The following RC3H2 variants were observed in gnomAD, a reference collection of about 807,000 sequenced individuals.
RC3H2 encodes ring finger and CCCH-type domains 2, also known as roquin-2.
A neutral mutation model predicts 133.3 loss-of-function variants in RC3H2; 31 were observed. The ratio of observed to expected loss-of-function variants is 0.23; its 90% CI spans 0.17 to 0.31. RC3H2 has a LOEUF of 0.31. Ranked by LOEUF, RC3H2 falls within the 10% of genes least tolerant of loss-of-function variation. RC3H2 has a pLI of 1.00. For missense variants in RC3H2, 1,175 were observed against 1,437.2 expected, an observed-to-expected ratio of 0.82 and a Z score of 2.95; for synonymous variants, 517 against 502.2, an observed-to-expected ratio of 1.03 and a Z score of -0.40.
At chr9:122,891,928 G>A (rs895842178) in intron 3 of RC3H2, among the ~76,000 whole-genome samples, 4 of 152,154 alleles carry the variant, frequency 2.6e-5, no homozygotes, top group Non-Finnish European at 5.9e-5. Context: ...TAAACTGTGG[G>A]CTCCATGATG....
In RC3H2 at chr9:122,897,295, T is replaced by C. The variant is rs1832465782; in HGVS notation, c.215A>G (p.Gln72Arg). 1 of 1,614,074 alleles carries C rather than the reference T, an allele frequency of 6.2e-7. No individual in the cohort carries two copies. Among genetic ancestry groups the C allele is most frequent in the African/African-American group, 1.3e-5 (1 of 75,050 alleles). ...AATGCTTACCTGGGCTCCAACTAAC[T>C]GGAGAAGTGCGAAGTTGACAGGAAG... is the stretch of plus-strand genomic sequence containing the variant. Reference protein sequence around the residue: ...DVLPVNFALLQLVGAQVPDHQ... With the variant: ...DVLPVNFALLRLVGAQVPDHQ... The change falls in exon 2 of 21, where the codon CAG (glutamine) becomes CGG (arginine). Residue 72 changes from glutamine (Q) to arginine (R), a missense_variant. Around this residue, in one of 8 missense-constraint regions of RC3H2, gnomAD observed 41 missense variants for 88.0 expected, o/e 0.47. Transcript: ENST00000357244.
chr9:122,858,324 T>C (rs146607117), intron 12 of RC3H2, among the ~76,000 whole-genome samples: 1 of 152,364 alleles, frequency 6.6e-6, no homozygotes, highest in East Asian at 1.9e-4. Flanking sequence ...AAGTCATTTG[T>C]ATGTATGTGG....
Position 122,892,920 on chromosome 9 carries a change from C to G in RC3H2, c.338G>C (p.Ser113Thr), listed in dbSNP as rs375753611. Residue 113 changes from serine (S) to threonine (T), a missense_variant, in exon 3 of 21, where the codon AGT (serine) becomes ACT (threonine). Ser to Thr is a moderately conservative substitution (Grantham distance 58). Around this residue, in one of 8 missense-constraint regions of RC3H2, gnomAD observed 121 missense variants for 243.5 expected, o/e 0.50. Coordinates refer to ENST00000357244, the MANE Select transcript of RC3H2 (RefSeq NM_001100588.3). ...EDLALYLKPL[S>T]GGKGVASLNQ... The stretch of plus-strand genomic sequence containing the variant: ...TTTTATGAACTTACCTTTACCTCCA[C>G]TTAGTGGTTTTAAGTAGAGTGCCAA... 11 of 1,612,918 alleles carry G rather than the reference C, an allele frequency of 6.8e-6. No homozygotes were observed. The African/African-American group carries it at 1.3e-4, about 20-fold the overall frequency.
chr9:122,866,577 T>G (rs1381650522), intron 9 of RC3H2, among the ~76,000 whole-genome samples: 6 of 152,220 alleles, frequency 3.9e-5, no homozygotes, highest in East Asian at 1.9e-4. Flanking sequence ...ACTGGTTTTC[T>G]TATTTTTTTG....
chr9:122,879,669 C>G (rs1831516034), intron 8 of RC3H2, 86 bp downstream of exon 8: 1 of 874,904 alleles, frequency 1.1e-6, no homozygotes, highest in Admixed American at 2.3e-5. Flanking sequence ...CATACGGAGT[C>G]CAATTAACAA....
intron 9 of RC3H2, among the ~76,000 whole-genome samples, chr9:122,872,510 T>C (rs1199900146): frequency 6.6e-6 from 1 of 152,236 alleles, no homozygotes; most frequent in Non-Finnish European, 1.5e-5. Flanking sequence ...TTCTTTGCTA[T>C]GGCCAAAATT....
At position 122,897,530 on chromosome 9, in the gene RC3H2, G is replaced by C; in HGVS notation, c.-21C>G. 1.2e-6 allele frequency: 2 copies of C among 1,605,400 alleles called. No homozygotes were observed. The highest frequency in any genetic ancestry group is 1.7e-6 in the Non-Finnish European group (2 of 1,174,502). ...GGCATTGTGGAAGCTGGATGCTCGG[G>C]TTAGCAGTCTAGCAGATCATTATTT... is the stretch of plus-strand genomic sequence containing the variant. On this transcript the variant is annotated 5_prime_UTR_variant, in exon 2 of 21. Transcript: ENST00000357244.
intron 9 of RC3H2, among the ~76,000 whole-genome samples, 199 bp from the exon 10 acceptor site, chr9:122,865,856 CATATA>C (rs1830625017): frequency 6.6e-6 from 1 of 152,158 alleles, no homozygotes; most frequent in African/African-American, 2.4e-5. Flanking sequence ...ATGCCATTCA[CATATA>C]ATATACATGT....
At chr9:122,860,606 G>A (rs1000060992) in intron 10 of RC3H2, among the ~76,000 whole-genome samples, 1 of 151,722 alleles carries the variant, frequency 6.6e-6, no homozygotes, top group African/African-American at 2.4e-5. Context: ...TAGAGACGGG[G>A]TCTAGATTTG....
intron 3 of RC3H2, among the ~76,000 whole-genome samples, chr9:122,891,634 A>T (rs969286125): frequency 4.6e-5 from 7 of 152,172 alleles, no homozygotes; most frequent in African/African-American, 1.4e-4. Context: ...TGGCTTACTA[A>T]TGTATCCCAG....
At chr9:122,891,336 TTTC>T (rs1255518805) in intron 3 of RC3H2, among the ~76,000 whole-genome samples, 2 of 152,178 alleles carry the variant, frequency 1.3e-5, no homozygotes, top group African/African-American at 2.4e-5. Flanking sequence ...GTTCCATTTC[TTTC>T]TTCTCTTATG....
rs1829843376 is a variant in RC3H2, at chr9:122,845,195, A to T, written c.*4432T>A. The stretch of plus-strand genomic sequence containing the variant: ...CAGCTAAGCAAATTTATAAAATGTA[A>T]TCAATGCAACAAGAAAAACATTTCT... On this transcript the variant is annotated 3_prime_UTR_variant, in exon 21 of 21. Coordinates refer to ENST00000357244, the MANE Select transcript of RC3H2 (RefSeq NM_001100588.3). 1 of 152,268 alleles carries T rather than the reference A, an allele frequency of 6.6e-6. No individual in the cohort carries two copies. The highest frequency in any genetic ancestry group is 2.4e-5 in the African/African-American group (1 of 41,470). 9.4% of individuals were successfully genotyped at this position (152,268 alleles called of 1,614,324 possible).
chr9:122,905,112 G>C lies in RC3H2; in HGVS notation c.-70C>G. 6.1e-6 allele frequency: 6 copies of C among 985,406 alleles called. No homozygotes were observed. Among genetic ancestry groups the C allele is most frequent in the Non-Finnish European group, 7.2e-6 (6 of 829,926 alleles). 61.0% of individuals were successfully genotyped at this position (985,406 alleles called of 1,614,324 possible). On this transcript the variant is annotated splice_region_variant and 5_prime_UTR_variant, in exon 1 of 21. Transcript: ENST00000357244. The stretch of plus-strand genomic sequence containing the variant: ...CATCGTGCCCGCCCCCGCCCTACCT[G>C]AGGGGGCCCGGGCGGGGTCGCTAAG...
intron 8 of RC3H2, among the ~76,000 whole-genome samples, chr9:122,878,361 G>A (rs1831434115): frequency 6.6e-6 from 1 of 151,938 alleles, no homozygotes. Flanking sequence ...CCACTTCCCG[G>A]GTTCAGGCCA....
At chr9:122,850,142 A>C (rs943745225) in intron 20 of RC3H2, among the ~76,000 whole-genome samples, 4 of 151,724 alleles carry the variant, frequency 2.6e-5, no homozygotes, top group African/African-American at 9.7e-5. Context: ...ACGCCCAGCT[A>C]TTTTGTATTT....
chr9:122,878,305 T>TG (rs1831430356), intron 8 of RC3H2, among the ~76,000 whole-genome samples: 1 of 152,072 alleles, frequency 6.6e-6, no homozygotes, highest in Non-Finnish European at 1.5e-5. Context: ...CTTGCTCTGT[T>TG]GCCCAGGCTG....
intron 9 of RC3H2, chr9:122,874,481 A>G (rs1460672990): frequency 6.6e-6 from 1 of 151,900 alleles, no homozygotes; most frequent in Non-Finnish European, 1.5e-5. Flanking sequence ...TTATTTTTGA[A>G]TGAGTGATAT....
chr9:122,851,221 C>T lies in RC3H2; in HGVS notation c.3240G>A (p.Leu1080=), dbSNP rs760776273. ...DGQSEPIEEI[L]DIQLGISSQN... is the part of the protein sequence containing the mutation. ...GAGAACTGATACCAAGCTGTATGTC[C>T]AAGATCTCCTAAGAAAATAAAATGT... The change falls in exon 20 of 21, where the codon TTG becomes TTA. Residue 1080 remains leucine, a synonymous_variant. Coordinates refer to ENST00000357244, the MANE Select transcript of RC3H2 (RefSeq NM_001100588.3). 50 of 1,613,838 alleles carry T rather than the reference C, an allele frequency of 3.1e-5. No individual in the cohort carries two copies. Among genetic ancestry groups the T allele is most frequent in the Non-Finnish European group, 3.6e-5 (42 of 1,179,880 alleles).
intron 9 of RC3H2, among the ~76,000 whole-genome samples, chr9:122,868,123 T>C (rs6478573): frequency 7.1e-6 from 1 of 141,352 alleles, no homozygotes; most frequent in Admixed American, 6.9e-5. Context: ...GAGGTGGGGG[T>C]GTCAGCCCCC....
Sources: allele counts gnomAD v4.1 joint callset (sites outside exome capture counted in the v4.1 genomes callset), GRCh38; gene constraint gnomAD v4.1.1; regional missense constraint gnomAD v4.1.1; transcripts MANE v1.5; gene names NCBI Gene and HGNC (gene_info 2026-07-23, HGNC 2026-07-21).